Variants in MYO1D observed in about 807,000 individuals in gnomAD.
MYO1D encodes the protein unconventional myosin-Id.
In MYO1D, 83 loss-of-function variants were observed where a neutral mutation model predicts 122.0. That is an observed-to-expected ratio of 0.68 (90% CI 0.57 to 0.82). The LOEUF is 0.82. MYO1D is among the 40% of genes least tolerant of loss of function. The probability of loss-of-function intolerance (pLI) is 0.00; values close to 1 mark genes in which losing one functional copy is unlikely to be tolerated. For synonymous variants in MYO1D, 464 were observed against 446.9 expected, an observed-to-expected ratio of 1.04 and a Z score of -0.48; for missense variants, 1,157 against 1,269.5, an observed-to-expected ratio of 0.91 and a Z score of 1.35.
intron 11 of MYO1D, among the ~76,000 whole-genome samples, chr17:32,750,368 C>A (rs2089886258): frequency 6.6e-6 from 1 of 152,010 alleles, no homozygotes; most frequent in Non-Finnish European, 1.5e-5. Context: ...AATCCCAGCA[C>A]TTTGGGAAGC....
chr17:32,764,412 G>A (rs2090033901), intron 8 of MYO1D, among the ~76,000 whole-genome samples: 1 of 152,082 alleles, frequency 6.6e-6, no homozygotes, highest in African/African-American at 2.4e-5. Flanking sequence ...TGCTAAGAGT[G>A]GATTTTAAAT....
At chr17:32,857,933 A>AT (rs1254936101) in intron 1 of MYO1D, among the ~76,000 whole-genome samples, 1 of 152,234 alleles carries the variant, frequency 6.6e-6, no homozygotes. Flanking sequence ...CTTGGAACGA[A>AT]TTATATGTAG....
intron 21 of MYO1D, among the ~76,000 whole-genome samples, chr17:32,530,831 G>A (rs949727505): frequency 6.6e-6 from 1 of 152,088 alleles, no homozygotes; most frequent in Non-Finnish European, 1.5e-5. Flanking sequence ...TAATAAAAGA[G>A]TATCTCACCA....
chr17:32,787,810 T>C (rs1196171498), intron 1 of MYO1D, among the ~76,000 whole-genome samples: 2 of 152,210 alleles, frequency 1.3e-5, no homozygotes, highest in East Asian at 1.9e-4. Context: ...TGCATCCTCA[T>C]AGCTTAGCTC....
At chr17:32,796,321 G>A (rs1427334446) in intron 1 of MYO1D, among the ~76,000 whole-genome samples, 1 of 152,130 alleles carries the variant, frequency 6.6e-6, no homozygotes, top group Non-Finnish European at 1.5e-5. Flanking sequence ...TGGACCTGAT[G>A]TAGAAAACTC....
chr17:32,535,053 T>C lies in MYO1D; in HGVS notation c.2865-40138A>G, dbSNP rs893905542. Among the ~76,000 whole-genome samples the C allele has an allele frequency of 1.2e-4, 19 of 152,274 alleles. No individual in the cohort carries two copies. The East Asian group carries it at 3.7e-3, about 29-fold the overall frequency. The stretch of plus-strand genomic sequence containing the variant: ...CTAGTGGCCAGTTGTGAGAAGTCAA[T>C]CCTTGCAAAGTAATACAAGACATTT... On this transcript the variant is annotated intron_variant, in intron 21 of 21. Transcript: ENST00000318217.
At chr17:32,791,235 G>A (rs532914733) in intron 1 of MYO1D, among the ~76,000 whole-genome samples, 78 of 151,998 alleles carry the variant, frequency 5.1e-4, no homozygotes, top group African/African-American at 1.5e-3. Context: ...ATGGTGGCAC[G>A]TGCCTGTAAT....
intron 1 of MYO1D, among the ~76,000 whole-genome samples, chr17:32,818,796 C>A (rs1213415653): frequency 6.6e-6 from 1 of 152,178 alleles, no homozygotes; most frequent in Non-Finnish European, 1.5e-5. Context: ...ACTAAGTATG[C>A]AATAGGATAC....
At chr17:32,550,916 A>G (rs1054686818) in intron 21 of MYO1D, among the ~76,000 whole-genome samples, 4 of 152,142 alleles carry the variant, frequency 2.6e-5, no homozygotes, top group African/African-American at 7.2e-5. Context: ...TTGAGGTTAC[A>G]GGGAGCTATG....
chr17:32,663,334 C>G (rs569702366), intron 16 of MYO1D, among the ~76,000 whole-genome samples: 1 of 152,300 alleles, frequency 6.6e-6, no homozygotes, highest in South Asian at 2.1e-4. Flanking sequence ...CATTTGCCCC[C>G]AAACAGTGCC....
At chr17:32,502,277 G>T (rs1909342174) in intron 21 of MYO1D, among the ~76,000 whole-genome samples, 1 of 152,220 alleles carries the variant, frequency 6.6e-6, no homozygotes, top group Non-Finnish European at 1.5e-5. Flanking sequence ...CTTGAACCTT[G>T]AAACATGATG....
chr17:32,499,599 AC>A (rs1909246570), intron 21 of MYO1D, among the ~76,000 whole-genome samples: 2 of 152,118 alleles, frequency 1.3e-5, no homozygotes, highest in African/African-American at 4.8e-5. Context: ...ATGCCACTGC[AC>A]TCCAGCCTGG....
At chr17:32,778,930 C>T (rs543460317) in intron 2 of MYO1D, among the ~76,000 whole-genome samples, 1 of 152,230 alleles carries the variant, frequency 6.6e-6, no homozygotes, top group East Asian at 1.9e-4. Flanking sequence ...GTGAGTCAAA[C>T]AGTGGTTACA....
chr17:32,634,344 G>A (rs1346619720), intron 20 of MYO1D, among the ~76,000 whole-genome samples: 1 of 152,172 alleles, frequency 6.6e-6, no homozygotes, highest in African/African-American at 2.4e-5. Flanking sequence ...TCTCAACAAG[G>A]AGGGGCAAAG....
At chr17:32,829,401 G>A (rs1032805229) in intron 1 of MYO1D, among the ~76,000 whole-genome samples, 1 of 152,226 alleles carries the variant, frequency 6.6e-6, no homozygotes, top group Non-Finnish European at 1.5e-5. Flanking sequence ...ACCTGAGGTT[G>A]TACCCTAGTT....
At chr17:32,721,999 T>C (rs1374541683) in intron 14 of MYO1D, among the ~76,000 whole-genome samples, 1 of 152,224 alleles carries the variant, frequency 6.6e-6, no homozygotes, top group African/African-American at 2.4e-5. Flanking sequence ...CAGATGCACT[T>C]TGATTAAGAT....
chr17:32,565,020 T>C (rs982874057), intron 21 of MYO1D, among the ~76,000 whole-genome samples: 3 of 117,480 alleles, frequency 2.6e-5, no homozygotes, highest in Non-Finnish European at 5.3e-5. Context: ...TTTTTCTTTT[T>C]GGAGATGGCT....
intron 16 of MYO1D, among the ~76,000 whole-genome samples, chr17:32,701,300 C>CT (rs2089245455): frequency 1.3e-5 from 2 of 152,156 alleles, no homozygotes; most frequent in Admixed American, 1.3e-4. Flanking sequence ...CAAATACCCC[C>CT]TTCCAGATGG....
At chr17:32,673,338 A>G (rs1354399919) in intron 16 of MYO1D, among the ~76,000 whole-genome samples, 1 of 151,908 alleles carries the variant, frequency 6.6e-6, no homozygotes, top group Non-Finnish European at 1.5e-5. Context: ...TCTTGAGCTC[A>G]GGCAATCTGC....
Sources: allele counts gnomAD v4.1 joint callset (sites outside exome capture counted in the v4.1 genomes callset), GRCh38; gene constraint gnomAD v4.1.1; transcripts MANE v1.5; gene names NCBI Gene and HGNC (gene_info 2026-07-23, HGNC 2026-07-21).